The following RAB11FIP4 variants were observed in gnomAD, a reference collection of about 807,000 sequenced individuals.
RAB11FIP4 encodes the protein RAB11 family interacting protein 4, also known as rab11 family-interacting protein 4.
Under a neutral mutation model 74.3 loss-of-function variants are expected in RAB11FIP4, and 23 were observed. The observed-to-expected ratio is 0.31, with a 90% CI of 0.22 to 0.44. RAB11FIP4 has a LOEUF of 0.44. Ranked by LOEUF, RAB11FIP4 falls within the 20% of genes least tolerant of loss-of-function variation. The probability of loss-of-function intolerance (pLI) is 1.00; values close to 1 mark genes in which losing one functional copy is unlikely to be tolerated. For missense variants in RAB11FIP4, 630 were observed against 863.9 expected (o/e 0.73, Z 3.39); for synonymous variants, 360 against 359.9 (o/e 1.00, Z 0.00).
intron 7 of RAB11FIP4, 144 bp from the exon 8 acceptor site, chr17:31,523,368 T>C: frequency 1.4e-6 from 1 of 702,752 alleles, no homozygotes; most frequent in Non-Finnish European, 2.6e-6. Context: ...TTTGGCAACA[T>C]TCTTCCTCTC....
intron 3 of RAB11FIP4, among the ~76,000 whole-genome samples, chr17:31,477,996 C>CTCT (rs578059657): frequency 2.3e-5 from 3 of 132,608 alleles, no homozygotes; most frequent in African/African-American, 8.5e-5. Context: ...GCTGTTAATA[C>CTCT]TTTTTTTTTT....
intron 3 of RAB11FIP4, among the ~76,000 whole-genome samples, chr17:31,490,626 G>C (rs1198411796): frequency 6.6e-6 from 1 of 152,014 alleles, no homozygotes; most frequent in Non-Finnish European, 1.5e-5. Context: ...TGTGATCAGG[G>C]CTCACTGCAG....
rs1352368600 is a variant in RAB11FIP4 at position 31,530,397 on chromosome 17, A to C, written c.1725A>C (p.Ala575=). 3.1e-6 allele frequency: 5 copies of C among 1,614,068 alleles called. No individual in the cohort carries two copies. The highest frequency in any genetic ancestry group is 4.2e-6 in the Non-Finnish European group (5 of 1,180,028). ...TTTTGAGCCTCAGCCTCTACGAAGCAAAAAACCTCTTTGCTGCCCAGACTA... is the reference window on the plus strand; with the variant it reads ...TTTTGAGCCTCAGCCTCTACGAAGCCAAAAACCTCTTTGCTGCCCAGACTA... ...GQILSLSLYE[A]KNLFAAQTKA... The change falls in exon 14 of 15, where the codon GCA becomes GCC. Residue 575 remains alanine (A), a synonymous_variant. Transcript: ENST00000621161.
intron 14 of RAB11FIP4, among the ~76,000 whole-genome samples, chr17:31,530,721 GC>G (rs930637628): frequency 6.6e-6 from 1 of 152,182 alleles, no homozygotes; most frequent in Non-Finnish European, 1.5e-5. Context: ...TCTTAGGTCG[GC>G]CAGAAAAATG....
chr17:31,512,042 C>G lies in RAB11FIP4; in HGVS notation c.337-5609C>G, dbSNP rs769719531. ...GCTGGCTGGATCCTGTTCTCCAGCT[C>G]TCTCCAGAATGCCCTGGCCTCAGGT... On this transcript the variant is annotated intron_variant, in intron 3 of 14. Coordinates refer to ENST00000621161, the MANE Select transcript of RAB11FIP4 (RefSeq NM_032932.6). The surrounding 1 kb of genome is among the most constrained non-coding windows in gnomAD (Gnocchi z 4.1). Among the ~76,000 whole-genome samples the G allele has an allele frequency of 2.0e-5, 3 of 152,154 alleles. No individual in the cohort carries two copies. Among genetic ancestry groups the G allele is most frequent in the Non-Finnish European group, 2.9e-5 (2 of 68,008 alleles).
At chr17:31,454,642 G>C (rs1445720362) in intron 3 of RAB11FIP4, among the ~76,000 whole-genome samples, 1 of 152,100 alleles carries the variant, frequency 6.6e-6, no homozygotes, top group East Asian at 2.0e-4. Flanking sequence ...CCAGCACTTT[G>C]GGAGGCCGAG....
chr17:31,523,799 T>C, intron 8 of RAB11FIP4, 94 bp from the exon 9 acceptor site: 1 of 1,070,486 alleles, frequency 9.3e-7, no homozygotes, highest in East Asian at 2.4e-5. Context: ...TACACAGTGG[T>C]TTGGAGGTCC....
At chr17:31,484,632 C>G (rs1352292824) in intron 3 of RAB11FIP4, among the ~76,000 whole-genome samples, 1 of 152,056 alleles carries the variant, frequency 6.6e-6, no homozygotes, top group Non-Finnish European at 1.5e-5. Flanking sequence ...CCACCCCACC[C>G]CCCACTGGAC....
rs1247966250 is a variant in RAB11FIP4, at chr17:31,517,193, G to GC, written c.337-458_337-457insC. Among the ~76,000 whole-genome samples, 12 of 56,444 alleles carry GC rather than the reference G, an allele frequency of 2.1e-4. No homozygotes were observed. The East Asian group carries it at 5.8e-3, about 28-fold the overall frequency. 37.0% of individuals were successfully genotyped at this position (56,444 alleles called of 152,430 possible). Reference sequence around the variant, plus strand: ...GGTTGGGGGGCGAGGAGGCGGTGCGGGGGGGGGGGCGGTGGGGGGGGCGGG... The same window carrying GC: ...GGTTGGGGGGCGAGGAGGCGGTGCGGCGGGGGGGGGCGGTGGGGGGGGCGGG... On this transcript the variant is annotated intron_variant, in intron 3 of 14. Transcript: ENST00000621161.
chr17:31,478,337 C>T (rs1332113070), intron 3 of RAB11FIP4, among the ~76,000 whole-genome samples: 1 of 152,122 alleles, frequency 6.6e-6, no homozygotes, highest in Non-Finnish European at 1.5e-5. Context: ...GCCTTCCGCG[C>T]GTGTTGGGAG....
In RAB11FIP4 at chr17:31,391,675, G is replaced by A. The variant is rs1204150719; in HGVS notation, c.-178G>A. On this transcript the variant is annotated 5_prime_UTR_variant, in exon 1 of 15. Transcript: ENST00000621161. ...CCTCCCCTCCCCTCCCTTCCCCTCC[G>A]GAGCGGCTGGGGCTGCGGCGCCGCT... 1.8e-4 allele frequency: 32 copies of A among 179,644 alleles called. No individual in the cohort carries two copies. Among genetic ancestry groups the A allele is most frequent in the Admixed American group, 7.9e-4 (10 of 12,632 alleles). The allele number at this position is 179,644 out of a possible 1,614,324, so 11.1% of individuals were successfully genotyped here. A position where few individuals can be genotyped will look rare whatever the true frequency, so the allele number is the denominator to read the frequency against.
rs2072811657 is a variant in RAB11FIP4 at position 31,528,608 on chromosome 17, T to G, written c.1495-12T>G. ...ATCCCTGCTCCTGCCAACCTGCTTCTCTCCCTCGCAGCTCATCGAGGACTT... is the reference window on the plus strand; with the variant it reads ...ATCCCTGCTCCTGCCAACCTGCTTCGCTCCCTCGCAGCTCATCGAGGACTT... On this transcript the variant is annotated splice_polypyrimidine_tract_variant and intron_variant, in intron 12 of 14. Coordinates refer to ENST00000621161, the MANE Select transcript of RAB11FIP4 (RefSeq NM_032932.6). 1 of 1,613,250 alleles carries G rather than the reference T, an allele frequency of 6.2e-7. No individual in the cohort carries two copies. The highest frequency in any genetic ancestry group is 8.5e-7 in the Non-Finnish European group (1 of 1,179,600).
intron 1 of RAB11FIP4, among the ~76,000 whole-genome samples, chr17:31,430,561 A>G (rs1884147122): frequency 1.3e-5 from 2 of 151,716 alleles, no homozygotes; most frequent in African/African-American, 4.8e-5. Flanking sequence ...GGGTTTCACC[A>G]TGTTAGCCAG....
At chr17:31,432,988 T>G (rs9912970) in intron 2 of RAB11FIP4, among the ~76,000 whole-genome samples, 2,127 of 152,054 alleles carry the variant, frequency 0.014, 59 homozygotes, top group African/African-American at 0.049. Context: ...CTACAAAAAA[T>G]ACAAAAAATT....
chr17:31,436,763 T>G (rs1008635670), intron 3 of RAB11FIP4, among the ~76,000 whole-genome samples: 1 of 36,032 alleles, frequency 2.8e-5, no homozygotes, highest in Admixed American at 3.7e-4. Context: ...GTTTTTTTTT[T>G]GTTTTTTTTT....
chr17:31,392,120 C>G, intron 1 of RAB11FIP4, 109 bp downstream of exon 1: 1 of 826,866 alleles, frequency 1.2e-6, no homozygotes, highest in Non-Finnish European at 1.6e-6. Context: ...GGTGGCCTCC[C>G]TCCCAATCCC....
intron 3 of RAB11FIP4, among the ~76,000 whole-genome samples, chr17:31,438,855 T>C (rs566997484): frequency 2.1e-4 from 32 of 152,288 alleles, no homozygotes; most frequent in African/African-American, 7.7e-4. Context: ...CTCATGCCTG[T>C]AATCCCAGCA....
intron 5 of RAB11FIP4, among the ~76,000 whole-genome samples, chr17:31,521,654 C>G (rs1298297308): frequency 6.6e-6 from 1 of 152,136 alleles, no homozygotes; most frequent in Admixed American, 6.5e-5. Context: ...CCCCTGTGAT[C>G]CCTTCTCACC....
intron 4 of RAB11FIP4, among the ~76,000 whole-genome samples, chr17:31,520,392 C>T (rs2142814151): frequency 6.6e-6 from 1 of 152,230 alleles, no homozygotes; most frequent in East Asian, 1.9e-4. Flanking sequence ...TTCTGTATTA[C>T]TCCGAATGTT....
Sources: allele counts gnomAD v4.1 joint callset (sites outside exome capture counted in the v4.1 genomes callset), GRCh38; gene constraint gnomAD v4.1.1; non-coding constraint Gnocchi (gnomAD v3.1); transcripts MANE v1.5; gene names NCBI Gene and HGNC (gene_info 2026-07-23, HGNC 2026-07-21).